Variants in RAB11A observed in about 807,000 individuals in gnomAD.
The protein encoded by RAB11A is ras-related protein Rab-11A.
RAB11A carries 9 observed loss-of-function variants against 28.0 expected under a neutral mutation model. The observed-to-expected ratio is 0.32, with a 90% CI of 0.19 to 0.56. The LOEUF (loss-of-function observed/expected upper bound fraction) is 0.56. Among genes scored for constraint, RAB11A ranks in the 20% least tolerant of loss-of-function variants. RAB11A has a pLI of 0.91. For missense variants in RAB11A, 108 were observed against 269.6 expected, an observed-to-expected ratio of 0.40 and a Z score of 4.20; for synonymous variants, 85 against 88.2, an observed-to-expected ratio of 0.96 and a Z score of 0.20.
intron 4 of RAB11A, 142 bp downstream of exon 4, chr15:65,879,893 T>C: frequency 1.7e-6 from 1 of 601,546 alleles, no homozygotes; most frequent in Non-Finnish European, 2.8e-6. Context: ...CTGTTTAGAG[T>C]GCAAAATTAA....
At chr15:65,870,832 G>T (rs2078155999) in intron 1 of RAB11A, among the ~76,000 whole-genome samples, 1 of 152,060 alleles carries the variant, frequency 6.6e-6, no homozygotes, top group African/African-American at 2.4e-5. Context: ...TGGTTAGAAA[G>T]AATTGCTTAT....
chr15:65,885,137 T>TG (rs2078248378), intron 4 of RAB11A, among the ~76,000 whole-genome samples: 1 of 150,222 alleles, frequency 6.7e-6, no homozygotes, highest in Admixed American at 6.6e-5. Flanking sequence ...TATACAGTTT[T>TG]TTTTTTTTTT....
At chr15:65,874,561 A>G (rs1485212327) in intron 1 of RAB11A, among the ~76,000 whole-genome samples, 1 of 152,062 alleles carries the variant, frequency 6.6e-6, no homozygotes, top group Non-Finnish European at 1.5e-5. Context: ...AACTTTTTAA[A>G]ACATTCATGA....
At chr15:65,881,895 A>C (rs1461299110) in intron 4 of RAB11A, among the ~76,000 whole-genome samples, 2 of 150,806 alleles carry the variant, frequency 1.3e-5, no homozygotes, top group Non-Finnish European at 3.0e-5. Flanking sequence ...AAAAAAAAAA[A>C]AAAAAACACA....
In RAB11A at chr15:65,889,275, G is replaced by A. The variant is rs2078272367; in HGVS notation, c.*1435G>A. On this transcript the variant is annotated 3_prime_UTR_variant, in exon 5 of 5. Coordinates refer to ENST00000261890, the MANE Select transcript of RAB11A (RefSeq NM_004663.5). ...GGGGCACACGGAAGGCATTGCTGTA[G>A]TCAGTCATTTTGGTTTTCTTCTATA... The A allele has an allele frequency of 6.6e-6, 1 of 152,260 alleles. No individual in the cohort carries two copies. The highest frequency in any genetic ancestry group is 2.1e-4 in the South Asian group (1 of 4,838). 9.4% of individuals were successfully genotyped at this position (152,260 alleles called of 1,614,324 possible).
chr15:65,884,335 CTCT>C (rs1349964185), intron 4 of RAB11A, among the ~76,000 whole-genome samples: 2 of 152,106 alleles, frequency 1.3e-5, no homozygotes, highest in East Asian at 3.8e-4. Context: ...AACTGGGAGG[CTCT>C]TCTTTTTCAA....
At chr15:65,878,017 A>G (rs1163983702) in intron 3 of RAB11A, 62 bp downstream of exon 3, 1 of 1,390,598 alleles carries the variant, frequency 7.2e-7, no homozygotes, top group South Asian at 1.2e-5. Context: ...GATACCTTCC[A>G]ATGAGAGTAA....
intron 3 of RAB11A, among the ~76,000 whole-genome samples, chr15:65,878,902 T>A (rs78574638): frequency 0.068 from 10,339 of 152,184 alleles, 374 homozygotes; most frequent in Middle Eastern, 0.092. Flanking sequence ...TTTTACCACA[T>A]TTTAAGTGGT....
chr15:65,881,519 G>T (rs2078222325), intron 4 of RAB11A, among the ~76,000 whole-genome samples: 1 of 152,008 alleles, frequency 6.6e-6, no homozygotes, highest in African/African-American at 2.4e-5. Context: ...CCTCATTGTT[G>T]GAATATTTTT....
At chr15:65,879,177 A>G (rs911864541) in intron 3 of RAB11A, among the ~76,000 whole-genome samples, 2 of 152,138 alleles carry the variant, frequency 1.3e-5, no homozygotes, top group Non-Finnish European at 2.9e-5. Context: ...TATTCTTTAT[A>G]TAGAGAGAGC....
chr15:65,882,689 T>A lies in RAB11A; in HGVS notation c.511+2938T>A, dbSNP rs148596664. Among the ~76,000 whole-genome samples the A allele has an allele frequency of 1.4e-3, 213 of 152,322 alleles. 1 individual carries two copies. The highest frequency in any genetic ancestry group is 4.9e-3 in the African/African-American group (202 of 41,578). On this transcript the variant is annotated intron_variant, in intron 4 of 4. Transcript: ENST00000261890. ...CATGGCATTCTTGACACCCATGAAT[T>A]TGAAAGTGACTCCATGAGATGATTT...
At chr15:65,874,469 G>A (rs1257492738) in intron 1 of RAB11A, among the ~76,000 whole-genome samples, 3 of 152,176 alleles carry the variant, frequency 2.0e-5, no homozygotes, top group Admixed American at 2.0e-4. Context: ...TCAAACTCCC[G>A]ACCTCAGGTG....
At chr15:65,882,161 C>G (rs193213036) in intron 4 of RAB11A, among the ~76,000 whole-genome samples, 1 of 152,340 alleles carries the variant, frequency 6.6e-6, no homozygotes, top group Admixed American at 6.5e-5. Context: ...TTTAGTTTCA[C>G]TTGCTACCAC....
intron 4 of RAB11A, among the ~76,000 whole-genome samples, chr15:65,882,391 T>G (rs1175709153): frequency 6.6e-6 from 1 of 152,228 alleles, no homozygotes; most frequent in East Asian, 1.9e-4. Flanking sequence ...TGATTCTACC[T>G]TAAATGTTAA....
chr15:65,875,675 C>T (rs2078187713), intron 1 of RAB11A, among the ~76,000 whole-genome samples: 1 of 152,132 alleles, frequency 6.6e-6, no homozygotes, highest in African/African-American at 2.4e-5. Context: ...CTGAGAAAGC[C>T]AGAAAGATAT....
intron 1 of RAB11A, among the ~76,000 whole-genome samples, chr15:65,871,282 A>T (rs1037343539): frequency 1.3e-5 from 2 of 152,214 alleles, no homozygotes; most frequent in Admixed American, 6.5e-5. Context: ...TACTTTTGGT[A>T]TCCACCCTCC....
chr15:65,871,576 T>C (rs1369816149), intron 1 of RAB11A, among the ~76,000 whole-genome samples: 2 of 152,244 alleles, frequency 1.3e-5, no homozygotes, highest in Non-Finnish European at 2.9e-5. Flanking sequence ...AACTTGAATG[T>C]TGGTTATACA....
At chr15:65,883,730 T>C (rs1014113465) in intron 4 of RAB11A, among the ~76,000 whole-genome samples, 1 of 152,152 alleles carries the variant, frequency 6.6e-6, no homozygotes, top group Non-Finnish European at 1.5e-5. Context: ...ATTTTGTATT[T>C]TAAGTAGAGA....
intron 4 of RAB11A, among the ~76,000 whole-genome samples, chr15:65,882,997 A>G (rs2078232183): frequency 1.3e-5 from 2 of 152,208 alleles, no homozygotes; most frequent in Non-Finnish European, 2.9e-5. Flanking sequence ...TCTTCGCTCT[A>G]AATATATACA....
Sources: allele counts gnomAD v4.1 joint callset (sites outside exome capture counted in the v4.1 genomes callset), GRCh38; gene constraint gnomAD v4.1.1; transcripts MANE v1.5; gene names NCBI Gene and HGNC (gene_info 2026-07-23, HGNC 2026-07-21).